Variants in SH3GL2 observed in about 807,000 individuals in gnomAD.
The protein encoded by SH3GL2 is endophilin-A1.
A neutral mutation model predicts 46.0 loss-of-function variants in SH3GL2; 24 were observed. That is an observed-to-expected ratio of 0.52 (90% CI 0.38 to 0.73). SH3GL2 has a LOEUF of 0.73. Among genes scored for constraint, SH3GL2 ranks in the 30% least tolerant of loss-of-function variants. The probability of loss-of-function intolerance (pLI) is 0.00; values close to 1 mark genes in which losing one functional copy is unlikely to be tolerated. For missense variants in SH3GL2, 413 were observed against 424.2 expected (o/e 0.97, Z 0.23); for synonymous variants, 196 against 147.1 (o/e 1.33, Z -2.40).
chr9:17,770,498 C>G (rs1216799900), intron 3 of SH3GL2, among the ~76,000 whole-genome samples: 1 of 152,168 alleles, frequency 6.6e-6, no homozygotes, highest in Non-Finnish European at 1.5e-5. Flanking sequence ...CTTATATAAT[C>G]CCTTCCCGTT....
chr9:17,696,064 C>T (rs1051139321), intron 1 of SH3GL2, among the ~76,000 whole-genome samples: 2 of 152,156 alleles, frequency 1.3e-5, no homozygotes, highest in Admixed American at 6.5e-5. Flanking sequence ...TTCCCCGAGC[C>T]TCTCTTTTCT....
intron 1 of SH3GL2, among the ~76,000 whole-genome samples, chr9:17,722,763 C>T (rs1343108833): frequency 6.6e-6 from 1 of 152,048 alleles, no homozygotes; most frequent in Non-Finnish European, 1.5e-5. Context: ...CACTTATTTT[C>T]TTCATAAATT....
At chr9:17,613,008 G>T (rs1031085813) in intron 1 of SH3GL2, among the ~76,000 whole-genome samples, 10 of 152,128 alleles carry the variant, frequency 6.6e-5, no homozygotes, top group African/African-American at 2.2e-4. Context: ...GTGTATCAAT[G>T]CTTCATTCCT....
At chr9:17,768,349 C>G (rs143964482) in intron 3 of SH3GL2, among the ~76,000 whole-genome samples, 2 of 128,712 alleles carry the variant, frequency 1.6e-5, no homozygotes, top group African/African-American at 2.9e-5. Flanking sequence ...GCAGCCTGGG[C>G]GACAGAGCGG....
intron 1 of SH3GL2, among the ~76,000 whole-genome samples, chr9:17,642,644 T>A (rs1819711793): frequency 6.6e-6 from 1 of 152,240 alleles, no homozygotes; most frequent in African/African-American, 2.4e-5. Context: ...GTCAGGTTTG[T>A]CAAAGATCAG....
chr9:17,772,869 A>G (rs1324980363), intron 3 of SH3GL2, among the ~76,000 whole-genome samples: 1 of 152,186 alleles, frequency 6.6e-6, no homozygotes, highest in African/African-American at 2.4e-5. Context: ...CAGAAATGGA[A>G]TTGCTGGAAC....
intron 3 of SH3GL2, among the ~76,000 whole-genome samples, chr9:17,768,391 ACAC>A (rs1429706944): frequency 2.0e-5 from 3 of 150,358 alleles, no homozygotes; most frequent in Admixed American, 6.6e-5. Context: ...AAAAAAAAAA[ACAC>A]CAGATTCTTA....
At chr9:17,682,962 A>T (rs1467396990) in intron 1 of SH3GL2, among the ~76,000 whole-genome samples, 8 of 152,106 alleles carry the variant, frequency 5.3e-5, no homozygotes, top group Admixed American at 5.2e-4. Flanking sequence ...TGTTGCCTTC[A>T]TGCTTACAAT....
chr9:17,697,180 G>A (rs71504869), intron 1 of SH3GL2, among the ~76,000 whole-genome samples: 2,539 of 152,100 alleles, frequency 0.017, 32 homozygotes, highest in South Asian at 0.04. Flanking sequence ...TTCAGAATTA[G>A]TAGCTGGCTT....
At chr9:17,628,411 G>GGTGTGTGTGTGTGT (rs3084633) in intron 1 of SH3GL2, among the ~76,000 whole-genome samples, 1 of 143,666 alleles carries the variant, frequency 7.0e-6, no homozygotes, top group South Asian at 2.2e-4. Flanking sequence ...CTATATCTTG[G>GGTGTGTGTGTGTGT]GTGTGTGTGT....
Position 17,628,300 on chromosome 9 carries a change from A to G in SH3GL2, c.45+49013A>G, listed in dbSNP as rs145308457. ...TATACATGCCTTCTATCTAAATACA[A>G]TCTTTTGATTGGCTGGAAGTAGAGT... On this transcript the variant is annotated intron_variant, in intron 1 of 8. Transcript: ENST00000380607. Among the ~76,000 whole-genome samples the G allele has an allele frequency of 3.9e-5, 6 of 152,216 alleles. 1 individual carries two copies. The East Asian group carries it at 7.7e-4, about 20-fold the overall frequency.
intron 1 of SH3GL2, among the ~76,000 whole-genome samples, chr9:17,715,718 A>G (rs1378882223): frequency 1.3e-5 from 2 of 151,402 alleles, no homozygotes; most frequent in African/African-American, 4.8e-5. Context: ...TGGGCATCGC[A>G]TTATGTCCAG....
At chr9:17,630,057 ACT>A (rs1326328441) in intron 1 of SH3GL2, among the ~76,000 whole-genome samples, 3 of 151,992 alleles carry the variant, frequency 2.0e-5, no homozygotes, top group South Asian at 2.1e-4. Flanking sequence ...TTTGCAAGTG[ACT>A]CTCAAATTTA....
At chr9:17,676,883 T>G (rs1029439903) in intron 1 of SH3GL2, among the ~76,000 whole-genome samples, 2 of 152,220 alleles carry the variant, frequency 1.3e-5, no homozygotes, top group African/African-American at 2.4e-5. Flanking sequence ...ATTATTTTTC[T>G]CTTCTCCATA....
chr9:17,708,306 G>C lies in SH3GL2; in HGVS notation c.46-38760G>C, dbSNP rs181756823. On this transcript the variant is annotated intron_variant, in intron 1 of 8. Transcript: ENST00000380607. ...TGTGTTTGGTTTTGATAGTGAGACT[G>C]AATTTTGTTTCTGCTTAAATGATTA... Among the ~76,000 whole-genome samples, 3 of 152,058 alleles carry C rather than the reference G, an allele frequency of 2.0e-5. No homozygotes were observed. In the East Asian group the frequency reaches 5.8e-4, roughly 30 times the overall value.
At chr9:17,777,829 T>C (rs9406722) in intron 3 of SH3GL2, among the ~76,000 whole-genome samples, 17,559 of 151,946 alleles carry the variant, frequency 0.12, 1,111 homozygotes, top group Admixed American at 0.15. Flanking sequence ...GGTATTGGGG[T>C]TTCAGCATAT....
chr9:17,636,065 A>G (rs1158590719), intron 1 of SH3GL2, among the ~76,000 whole-genome samples: 1 of 152,170 alleles, frequency 6.6e-6, no homozygotes, highest in Non-Finnish European at 1.5e-5. Context: ...TCTGCTTGCC[A>G]TGCTTTTTAA....
At chr9:17,736,920 C>G (rs1822353510) in intron 1 of SH3GL2, among the ~76,000 whole-genome samples, 1 of 152,028 alleles carries the variant, frequency 6.6e-6, no homozygotes, top group Non-Finnish European at 1.5e-5. Context: ...CAGAGCAGGA[C>G]TGTTCACAAT....
chr9:17,700,360 G>T (rs1438026778), intron 1 of SH3GL2, among the ~76,000 whole-genome samples: 1 of 152,108 alleles, frequency 6.6e-6, no homozygotes. Context: ...TTACCCAGTA[G>T]CAAAACTGTA....
Sources: gnomAD v4.1 joint callset for allele counts (sites outside exome capture counted in the v4.1 genomes callset) on GRCh38, gnomAD v4.1.1 for gene constraint, MANE v1.5 for transcripts, NCBI Gene and HGNC (gene_info 2026-07-23, HGNC 2026-07-21) for gene names.